The following LRRC8D variants were observed in gnomAD, a reference collection of about 807,000 sequenced individuals.
LRRC8D encodes the protein volume-regulated anion channel subunit LRRC8D.
In LRRC8D, 20 loss-of-function variants were observed where a neutral mutation model predicts 55.8. The ratio of observed to expected loss-of-function variants is 0.36; its 90% CI spans 0.25 to 0.52. LRRC8D has a LOEUF of 0.52. LRRC8D is among the 20% of genes least tolerant of loss of function. The pLI, the probability that LRRC8D is intolerant of heterozygous loss-of-function variation, is 0.93. For synonymous variants in LRRC8D, 352 were observed against 377.0 expected (o/e 0.93, Z 0.77); for missense variants, 651 against 1,030.8 (o/e 0.63, Z 5.05).
At chr1:89,858,267 AC>A (rs775415426) in intron 2 of LRRC8D, among the ~76,000 whole-genome samples, 23 of 152,270 alleles carry the variant, frequency 1.5e-4, no homozygotes, top group Admixed American at 6.5e-4. Flanking sequence ...ACTTTGTAAT[AC>A]TTTTTTTGTT....
rs1663124175 is a variant in LRRC8D, at chr1:89,911,095, CA to C, written c.-2-21971del. On this transcript the variant is annotated intron_variant, in intron 2 of 2. Transcript: ENST00000337338. This position sits in a 1 kb window ranked among gnomAD's most constrained non-coding sequence, Gnocchi z 4.0. Reference sequence around the variant, plus strand: ...AATGCTTGACCTTCCCAGGGAGTTTCAGCGGGTGAGAAAGCCTGACACTGCT... The same window carrying C: ...AATGCTTGACCTTCCCAGGGAGTTTCGCGGGTGAGAAAGCCTGACACTGCT... 6.6e-6 allele frequency among the ~76,000 whole-genome samples: 1 copy of C among 152,002 alleles called. No homozygotes were observed. Among genetic ancestry groups the C allele is most frequent in the Non-Finnish European group, 1.5e-5 (1 of 68,012 alleles).
At chr1:89,849,182 GTC>G (rs1661351511) in intron 2 of LRRC8D, among the ~76,000 whole-genome samples, 1 of 152,146 alleles carries the variant, frequency 6.6e-6, no homozygotes, top group Non-Finnish European at 1.5e-5. Context: ...GGTTTGTTTA[GTC>G]TTACCTACCC....
intron 2 of LRRC8D, among the ~76,000 whole-genome samples, chr1:89,887,192 A>G (rs1662440532): frequency 6.6e-6 from 1 of 152,048 alleles, no homozygotes; most frequent in Admixed American, 6.5e-5. Flanking sequence ...GATTAAGTTA[A>G]TTAATACTTA....
At chr1:89,830,736 T>C (rs1030215493) in intron 1 of LRRC8D, among the ~76,000 whole-genome samples, 2 of 152,196 alleles carry the variant, frequency 1.3e-5, no homozygotes, top group African/African-American at 4.8e-5. Context: ...TCTGGATTAT[T>C]GTGTAAAATC....
intron 1 of LRRC8D, among the ~76,000 whole-genome samples, chr1:89,829,067 C>T (rs1396531904): frequency 6.6e-6 from 1 of 152,194 alleles, no homozygotes; most frequent in African/African-American, 2.4e-5. Context: ...TTGCTTACAA[C>T]CCAATTTTAA....
intron 1 of LRRC8D, chr1:89,822,198 T>C (rs780150624): frequency 6.5e-6 from 1 of 152,798 alleles, no homozygotes; most frequent in African/African-American, 2.4e-5. Context: ...AGGTCCTTGC[T>C]GGAGAGGGAG....
rs866372851 is a variant in LRRC8D, at chr1:89,827,725, C to T, written c.-148+6434C>T. ...TAATTGCCTCCTTGTCTTCCTGCTC[C>T]GGTACTCTGTCAGTGTGGTTAGGAT... On this transcript the variant is annotated intron_variant, in intron 1 of 2. Coordinates refer to ENST00000337338, the MANE Select transcript of LRRC8D (RefSeq NM_001134479.2). Among the ~76,000 whole-genome samples, 52 of 152,292 alleles carry T rather than the reference C, an allele frequency of 3.4e-4. No individual in the cohort carries two copies. In the Middle Eastern group the frequency reaches 0.021, roughly 60 times the overall value.
At chr1:89,901,800 G>T (rs1208957595) in intron 2 of LRRC8D, among the ~76,000 whole-genome samples, 1 of 152,198 alleles carries the variant, frequency 6.6e-6, no homozygotes, top group African/African-American at 2.4e-5. Flanking sequence ...TTATTTTATG[G>T]TTTATTATTT....
intron 2 of LRRC8D, among the ~76,000 whole-genome samples, chr1:89,850,047 T>A (rs1424315802): frequency 2.0e-5 from 3 of 152,252 alleles, no homozygotes; most frequent in Admixed American, 6.5e-5. Flanking sequence ...AAACTCTTTG[T>A]AATTTGAGAT....
chr1:89,854,477 G>A (rs1253407779), intron 2 of LRRC8D, among the ~76,000 whole-genome samples: 1 of 152,092 alleles, frequency 6.6e-6, no homozygotes, highest in African/African-American at 2.4e-5. Flanking sequence ...CATTAAGTTT[G>A]GATGGTGATT....
intron 2 of LRRC8D, among the ~76,000 whole-genome samples, chr1:89,888,019 C>A (rs988252754): frequency 6.6e-6 from 1 of 152,122 alleles, no homozygotes; most frequent in Non-Finnish European, 1.5e-5. Context: ...GTGCATTTGT[C>A]AAAACCCATA....
At chr1:89,879,855 T>TAATTGGAAAAATTAG (rs559750704) in intron 2 of LRRC8D, among the ~76,000 whole-genome samples, 486 of 152,242 alleles carry the variant, frequency 3.2e-3, no homozygotes, top group Non-Finnish European at 3.8e-3. Flanking sequence ...TTTTGCATTC[T>TAATTGGAAAAATTAG]AATTGGAAAA....
chr1:89,892,519 TTCC>T (rs1662604869), intron 2 of LRRC8D, among the ~76,000 whole-genome samples: 1 of 152,108 alleles, frequency 6.6e-6, no homozygotes, highest in Non-Finnish European at 1.5e-5. Flanking sequence ...AGATTGATAT[TTCC>T]TTTTTTTTTT....
At chr1:89,913,626 A>G (rs947100947) in intron 2 of LRRC8D, among the ~76,000 whole-genome samples, 6 of 152,248 alleles carry the variant, frequency 3.9e-5, no homozygotes, top group Admixed American at 3.9e-4. Flanking sequence ...TGCTTGCAAC[A>G]TGGAATTCTC....
intron 1 of LRRC8D, among the ~76,000 whole-genome samples, chr1:89,842,053 A>C (rs1205637422): frequency 6.6e-6 from 1 of 151,998 alleles, no homozygotes; most frequent in Admixed American, 6.6e-5. Flanking sequence ...TGTACTAAAA[A>C]TACAAAAAAA....
intron 2 of LRRC8D, among the ~76,000 whole-genome samples, chr1:89,902,771 G>A (rs971434575): frequency 1.1e-4 from 16 of 152,052 alleles, no homozygotes; most frequent in African/African-American, 3.4e-4. Context: ...TGATCCACCC[G>A]CCTCAGCCTC....
intron 2 of LRRC8D, among the ~76,000 whole-genome samples, chr1:89,888,993 T>G (rs1475689121): frequency 2.0e-5 from 3 of 152,220 alleles, no homozygotes; most frequent in Non-Finnish European, 4.4e-5. Context: ...GTTATAATAC[T>G]TGTCATTTCC....
At chr1:89,849,849 G>C (rs9786929) in intron 2 of LRRC8D, among the ~76,000 whole-genome samples, 54,976 of 151,808 alleles carry the variant, frequency 0.36, 10,483 homozygotes, top group East Asian at 0.59. Flanking sequence ...TTTGTCTATG[G>C]TGCCTTTCAG....
At chr1:89,841,467 A>G (rs1224485917) in intron 1 of LRRC8D, among the ~76,000 whole-genome samples, 3 of 146,992 alleles carry the variant, frequency 2.0e-5, no homozygotes, top group Admixed American at 1.4e-4. Context: ...CAGGAGCCTC[A>G]TAGCAGCATG....
Sources: allele counts gnomAD v4.1 joint callset (sites outside exome capture counted in the v4.1 genomes callset), GRCh38; gene constraint gnomAD v4.1.1; non-coding constraint Gnocchi (gnomAD v3.1); transcripts MANE v1.5; gene names NCBI Gene and HGNC (gene_info 2026-07-23, HGNC 2026-07-21).